Variants in SETD7 observed in about 807,000 individuals in gnomAD.
SETD7 encodes the protein SET domain containing 7, histone lysine methyltransferase, also known as histone-lysine N-methyltransferase SETD7.
Under a neutral mutation model 41.8 loss-of-function variants are expected in SETD7, and 16 were observed. That is an observed-to-expected ratio of 0.38 (90% CI 0.26 to 0.58). The LOEUF (loss-of-function observed/expected upper bound fraction) is 0.58, where lower values mean the gene tolerates loss of function less well. Ranked by LOEUF, SETD7 falls within the 20% of genes least tolerant of loss-of-function variation. The pLI, the probability that SETD7 is intolerant of heterozygous loss-of-function variation, is 0.64. For missense variants in SETD7, 346 were observed against 459.7 expected (o/e 0.75, Z 2.26); for synonymous variants, 163 against 169.7 (o/e 0.96, Z 0.31).
At chr4:139,545,707 C>T (rs1186804052) in intron 2 of SETD7, among the ~76,000 whole-genome samples, 1 of 152,184 alleles carries the variant, frequency 6.6e-6, no homozygotes, top group Non-Finnish European at 1.5e-5. Flanking sequence ...ACGCACTTTG[C>T]CTGCAGAAAA....
intron 2 of SETD7, among the ~76,000 whole-genome samples, chr4:139,546,082 G>A (rs537295065): frequency 1.5e-4 from 23 of 152,308 alleles, no homozygotes; most frequent in African/African-American, 5.3e-4. Context: ...TATCACAAGC[G>A]AGTAAGGAGC....
Position 139,548,252 on chromosome 4 carries a change from G to C in SETD7, c.41-1203C>G, listed in dbSNP as rs771261450. The C allele has an allele frequency of 2.4e-4, 37 of 152,226 alleles. 2 individuals carry two copies. The highest frequency in any genetic ancestry group is 1.5e-5 in the Non-Finnish European group (1 of 68,046). The allele number at this position is 152,226 out of a possible 1,614,324, so 9.4% of individuals were successfully genotyped here. A position where few individuals can be genotyped will look rare whatever the true frequency, so the allele number is the denominator to read the frequency against. On this transcript the variant is annotated intron_variant, in intron 1 of 7. Transcript: ENST00000274031. ...CACAAACCATACTACCACAGTGAAAGCTTTAGTCTCCTCAAATAATTTATT... is the reference window on the plus strand; with the variant it reads ...CACAAACCATACTACCACAGTGAAACCTTTAGTCTCCTCAAATAATTTATT...
chr4:139,500,372 C>A (rs1451480149), intron 7 of SETD7, among the ~76,000 whole-genome samples: 3 of 152,182 alleles, frequency 2.0e-5, no homozygotes, highest in Non-Finnish European at 4.4e-5. Flanking sequence ...CTGAGTGATC[C>A]TTTTACACGT....
intron 3 of SETD7, among the ~76,000 whole-genome samples, chr4:139,531,742 T>C (rs1457744678): frequency 1.3e-5 from 2 of 152,232 alleles, no homozygotes; most frequent in Non-Finnish European, 2.9e-5. Context: ...TTGTTATATA[T>C]GTAACTGATC....
chr4:139,548,992 T>C (rs1343607206), intron 1 of SETD7, among the ~76,000 whole-genome samples: 1 of 152,244 alleles, frequency 6.6e-6, no homozygotes, highest in African/African-American at 2.4e-5. Flanking sequence ...ATTTCTCTCA[T>C]TGAAATAAAT....
In SETD7 at chr4:139,511,478, A is replaced by G; in HGVS notation, c.*185T>C. ...GTAGGACGTTGTTGCAAGGCTAGCTAATTTTAAATCTGGTATGAGTAATAC... is the reference window on the plus strand; with the variant it reads ...GTAGGACGTTGTTGCAAGGCTAGCTGATTTTAAATCTGGTATGAGTAATAC... On this transcript the variant is annotated 3_prime_UTR_variant, in exon 8 of 8. Transcript: ENST00000274031. 9.4e-7 allele frequency: 1 copy of G among 1,059,872 alleles called. No individual in the cohort carries two copies. Among genetic ancestry groups the G allele is most frequent in the Non-Finnish European group, 1.3e-6 (1 of 750,450 alleles). The allele number at this position is 1,059,872 out of a possible 1,614,324, so 65.7% of individuals were successfully genotyped here.
chr4:139,544,877 C>T (rs994296237), intron 2 of SETD7, among the ~76,000 whole-genome samples: 4 of 149,116 alleles, frequency 2.7e-5, no homozygotes, highest in African/African-American at 9.9e-5. Context: ...TGAATTCTAC[C>T]CTCTCTTTCA....
intron 1 of SETD7, 143 bp from the exon 2 acceptor site, chr4:139,547,192 G>A (rs575468105): frequency 3.0e-6 from 3 of 1,015,762 alleles, no homozygotes; most frequent in Admixed American, 5.6e-5. Flanking sequence ...GAAAGAAAGG[G>A]TAGTCAGCGT....
At chr4:139,549,512 A>C (rs907574755) in intron 1 of SETD7, among the ~76,000 whole-genome samples, 3 of 149,900 alleles carry the variant, frequency 2.0e-5, no homozygotes, top group African/African-American at 4.9e-5. Flanking sequence ...ATGAAGAATT[A>C]TTCCTTCCTT....
rs1483597328 is a variant in SETD7 at position 139,509,730 on chromosome 4, G to A, written c.*1933C>T. The A allele has an allele frequency of 5.1e-6, 5 of 985,386 alleles. No individual in the cohort carries two copies. Among genetic ancestry groups the A allele is most frequent in the South Asian group, 4.7e-5 (1 of 21,288 alleles). 61.0% of individuals were successfully genotyped at this position (985,386 alleles called of 1,614,324 possible). A position where few individuals can be genotyped will look rare whatever the true frequency, so the allele number is the denominator to read the frequency against. On this transcript the variant is annotated 3_prime_UTR_variant, in exon 8 of 8. Coordinates refer to ENST00000274031, the MANE Select transcript of SETD7 (RefSeq NM_030648.4). ...CAAGTCCAGAGGCCCTGGCCCATCC[G>A]TCACAGTGTATAGAACGGTCTCTTT...
chr4:139,542,554 C>T (rs2646040), intron 2 of SETD7, among the ~76,000 whole-genome samples: 2 of 151,802 alleles, frequency 1.3e-5, no homozygotes, highest in Admixed American at 1.3e-4. Context: ...TTTAAAAATG[C>T]CTATTTCTAT....
chr4:139,495,834 G>A (rs1726443726), downstream of SETD7: 1 of 152,268 alleles, frequency 6.6e-6, no homozygotes, highest in Non-Finnish European at 1.5e-5. Context: ...GTTGCCAGTG[G>A]GGCCAGAAAA....
At position 139,555,538 on chromosome 4, in the gene SETD7, C is replaced by T. The variant is rs1246231263; in HGVS notation, c.40+560G>A. Among the ~76,000 whole-genome samples the T allele has an allele frequency of 6.6e-6, 1 of 152,116 alleles. No homozygotes were observed. The highest frequency in any genetic ancestry group is 1.5e-5 in the Non-Finnish European group (1 of 68,010). On this transcript the variant is annotated intron_variant, in intron 1 of 7. Transcript: ENST00000274031. The surrounding 1 kb of genome is among the most constrained non-coding windows in gnomAD (Gnocchi z 4.0). ...TCGCCCGACAATGATTTCATCTTTT[C>T]GGAAGAGCTGCCGCCTGGGCCGCGG...
At chr4:139,530,675 C>A (rs892261193) in intron 3 of SETD7, among the ~76,000 whole-genome samples, 2 of 152,172 alleles carry the variant, frequency 1.3e-5, no homozygotes, top group Non-Finnish European at 2.9e-5. Flanking sequence ...AGAAGTCTGT[C>A]TTTCCAGGGT....
chr4:139,496,586 G>A, intron 7 of SETD7: 1 of 656,808 alleles, frequency 1.5e-6, no homozygotes, highest in African/African-American at 1.8e-5. Context: ...TAGATCTCAA[G>A]CCACGGTGCT....
chr4:139,520,481 T>C (rs1356674165), intron 5 of SETD7, 87 bp from the exon 6 acceptor site: 4 of 682,156 alleles, frequency 5.9e-6, no homozygotes, highest in Non-Finnish European at 9.6e-6. Context: ...TTAAGGCTAC[T>C]GATTCCAAAA....
chr4:139,501,480 C>A (rs1444022841), downstream of SETD7, among the ~76,000 whole-genome samples: 1 of 151,952 alleles, frequency 6.6e-6, no homozygotes, highest in Non-Finnish European at 1.5e-5. Context: ...ATATTAGGTA[C>A]AATGTACATT....
chr4:139,530,974 G>A (rs1352903868), intron 3 of SETD7, among the ~76,000 whole-genome samples: 2 of 152,024 alleles, frequency 1.3e-5, no homozygotes, highest in African/African-American at 2.4e-5. Context: ...CAGGCGTCAG[G>A]GAGTGTGGGG....
At chr4:139,532,239 C>G (rs187397950) in intron 3 of SETD7, among the ~76,000 whole-genome samples, 112 of 152,174 alleles carry the variant, frequency 7.4e-4, no homozygotes, top group African/African-American at 2.6e-3. Context: ...CCCAGGAGTT[C>G]GAGACTAGGT....
Sources: allele counts gnomAD v4.1 joint callset (sites outside exome capture counted in the v4.1 genomes callset), GRCh38; gene constraint gnomAD v4.1.1; non-coding constraint Gnocchi (gnomAD v3.1); transcripts MANE v1.5; gene names NCBI Gene and HGNC (gene_info 2026-07-23, HGNC 2026-07-21).